LSG1: variants seen among roughly 807,000 people sequenced by gnomAD.
LSG1 encodes the protein large subunit GTPase 1 homolog.
A neutral mutation model predicts 82.6 loss-of-function variants in LSG1; 55 were observed. That is an observed-to-expected ratio of 0.67 (90% confidence interval 0.54 to 0.83). The LOEUF is 0.83. Among genes scored for constraint, LSG1 ranks in the 40% least tolerant of loss-of-function variants. The probability of loss-of-function intolerance (pLI) is 0.00; values close to 1 mark genes in which losing one functional copy is unlikely to be tolerated. For synonymous variants in LSG1, 272 were observed against 282.5 expected (o/e 0.96, Z 0.37); for missense variants, 809 against 807.9 (o/e 1.00, Z -0.02).
rs1718388143 is a variant in LSG1, at chr3:194,641,720, T to C, written c.*348A>G. On this transcript the variant is annotated 3_prime_UTR_variant, in exon 14 of 14. Transcript: ENST00000265245. ...ACTCTGCCTCCCTGGTTCAAGTGAT[T>C]CTCCTGCCTCAGCCTCCCGAGTAGC... 6.0e-6 allele frequency: 1 copy of C among 166,224 alleles called. No individual in the cohort carries two copies. The allele number at this position is 166,224 out of a possible 1,614,324, so 10.3% of individuals were successfully genotyped here.
intron 13 of LSG1, among the ~76,000 whole-genome samples, chr3:194,643,875 C>T (rs912660125): frequency 5.9e-5 from 9 of 152,130 alleles, no homozygotes; most frequent in Non-Finnish European, 1.2e-4. Flanking sequence ...ATAAAAAGGA[C>T]TGAAATACTG....
At chr3:194,671,666 A>T (rs976912523) in intron 1 of LSG1, among the ~76,000 whole-genome samples, 13 of 152,256 alleles carry the variant, frequency 8.5e-5, no homozygotes, top group African/African-American at 2.2e-4. Flanking sequence ...GAATTATTTT[A>T]TATTTCTGGC....
intron 2 of LSG1, among the ~76,000 whole-genome samples, chr3:194,667,959 A>G (rs1322301892): frequency 7.3e-6 from 1 of 137,760 alleles, no homozygotes; most frequent in Admixed American, 7.3e-5. Context: ...ATATATATAT[A>G]TATATATATA....
At chr3:194,653,539 G>A (rs1410311374) in intron 7 of LSG1, among the ~76,000 whole-genome samples, 1 of 151,858 alleles carries the variant, frequency 6.6e-6, no homozygotes, top group Non-Finnish European at 1.5e-5. Flanking sequence ...AGATGAACAG[G>A]GGACAAGCAA....
At chr3:194,653,367 T>C (rs1182587524) in intron 7 of LSG1, among the ~76,000 whole-genome samples, 7 of 151,872 alleles carry the variant, frequency 4.6e-5, no homozygotes, top group Non-Finnish European at 8.8e-5. Flanking sequence ...ATACAAAAAT[T>C]AGCCAGGCGT....
Position 194,642,018 on chromosome 3 carries a change from G to C in LSG1, c.*50C>G. 1 of 1,583,932 alleles carries C rather than the reference G, an allele frequency of 6.3e-7. No individual in the cohort carries two copies. Among genetic ancestry groups the C allele is most frequent in the South Asian group, 1.1e-5 (1 of 87,364 alleles). On this transcript the variant is annotated 3_prime_UTR_variant, in exon 14 of 14. Transcript: ENST00000265245. Reference sequence around the variant, plus strand: ...GTTCCACAGGCAACAGGCAGCTTCTGCTCTTTTCCATCTGCACAATGCAGA... The same window carrying C: ...GTTCCACAGGCAACAGGCAGCTTCTCCTCTTTTCCATCTGCACAATGCAGA...
At chr3:194,651,303 G>A (rs1560222384) in intron 8 of LSG1, 87 bp from the exon 9 acceptor site, 5 of 870,618 alleles carry the variant, frequency 5.7e-6, no homozygotes, top group Non-Finnish European at 9.5e-6. Context: ...GGCAAGACTA[G>A]CATAAGCATC....
At chr3:194,666,086 G>T in intron 4 of LSG1, 117 bp downstream of exon 4, 1 of 867,110 alleles carries the variant, frequency 1.2e-6, no homozygotes. Flanking sequence ...TTAGCAGAAT[G>T]CTACCATTTC....
chr3:194,650,784 ATTC>A (rs1450338516), intron 10 of LSG1, 94 bp downstream of exon 10: 2 of 1,286,776 alleles, frequency 1.6e-6, no homozygotes, highest in Admixed American at 2.3e-5. Context: ...AGTATTTTCA[ATTC>A]TTCATCAAAT....
chr3:194,642,274 G>C, intron 13 of LSG1, 27 bp from the exon 14 acceptor site: 1 of 1,601,118 alleles, frequency 6.2e-7, no homozygotes, highest in Non-Finnish European at 8.5e-7. Flanking sequence ...AACATTATCT[G>C]AGCTGTCAGC....
intron 8 of LSG1, 144 bp downstream of exon 8, chr3:194,652,585 A>C: frequency 4.7e-6 from 4 of 845,970 alleles, no homozygotes; most frequent in Non-Finnish European, 7.4e-6. Flanking sequence ...CCACTGCCTA[A>C]TCCCGTGATG....
Position 194,663,315 on chromosome 3 carries a change from T to A in LSG1, c.521+2242A>T, listed in dbSNP as rs577655630. Among the ~76,000 whole-genome samples, 3 of 152,210 alleles carry A rather than the reference T, an allele frequency of 2.0e-5. No homozygotes were observed. In the South Asian group the frequency reaches 6.2e-4, roughly 32 times the overall value. ...GGGCCTTCCGAAGCCCTCCTCAAGCTTGAGTAAAAGGAGCCTGCATGGACC... is the reference window on the plus strand; with the variant it reads ...GGGCCTTCCGAAGCCCTCCTCAAGCATGAGTAAAAGGAGCCTGCATGGACC... On this transcript the variant is annotated intron_variant, in intron 5 of 13. Transcript: ENST00000265245.
At chr3:194,660,221 G>C in intron 5 of LSG1, 88 bp from the exon 6 acceptor site, 1 of 995,442 alleles carries the variant, frequency 1.0e-6, no homozygotes. Context: ...AGCAAACCCT[G>C]GCAATATATT....
In LSG1 at chr3:194,641,428, G is replaced by A. The variant is rs13322267; in HGVS notation, c.*640C>T. 1 of 152,110 alleles carries A rather than the reference G, an allele frequency of 6.6e-6. No homozygotes were observed. Among genetic ancestry groups the A allele is most frequent in the East Asian group, 1.9e-4 (1 of 5,192 alleles). The allele number at this position is 152,110 out of a possible 1,614,324, so 9.4% of individuals were successfully genotyped here. A position where few individuals can be genotyped will look rare whatever the true frequency, so the allele number is the denominator to read the frequency against. On this transcript the variant is annotated 3_prime_UTR_variant, in exon 14 of 14. Transcript: ENST00000265245. Reference sequence around the variant, plus strand: ...AACCAGTGAAGATGGGGGCTAGGTAGTAAATACCGCAGCTTCCCTGTCACC... The same window carrying A: ...AACCAGTGAAGATGGGGGCTAGGTAATAAATACCGCAGCTTCCCTGTCACC...
chr3:194,644,379 AATAAAAATAAATAAAT>A (rs1383949101), intron 13 of LSG1, among the ~76,000 whole-genome samples, 178 bp downstream of exon 13: 1 of 79,076 alleles, frequency 1.3e-5, no homozygotes, highest in Non-Finnish European at 2.7e-5. Context: ...AAAAAAAAAA[AATAAAAATAAATAAAT>A]AAATAAATAA....
At chr3:194,656,189 G>C (rs1429521962) in intron 7 of LSG1, among the ~76,000 whole-genome samples, 1 of 151,658 alleles carries the variant, frequency 6.6e-6, no homozygotes, top group East Asian at 1.9e-4. Flanking sequence ...CACAGCAAAA[G>C]AAACCACCAT....
Position 194,644,686 on chromosome 3 carries a change from G to A in LSG1, c.1684C>T (p.His562Tyr), listed in dbSNP as rs1718483578. ...GRDPVTFQHQ[H>Y]QRLLENKMNS... is the part of the protein sequence containing the mutation. ...ATTTTGTTCTCTAGGAGTCGCTGGT[G>A]TTGATGCTGAAAAGTTACAGGATCT... The change falls in exon 13 of 14, where the codon CAC becomes TAC. Residue 562 changes from histidine (H) to tyrosine (Y), a missense_variant. His to Tyr is a moderately conservative substitution (Grantham distance 83). Transcript: ENST00000265245. 1.9e-6 allele frequency: 3 copies of A among 1,610,362 alleles called. No homozygotes were observed. Among genetic ancestry groups the A allele is most frequent in the African/African-American group, 1.3e-5 (1 of 74,972 alleles).
intron 2 of LSG1, among the ~76,000 whole-genome samples, chr3:194,666,837 C>G (rs186064416): frequency 2.0e-5 from 3 of 152,136 alleles, no homozygotes; most frequent in Admixed American, 1.3e-4. Context: ...ATTGAACATT[C>G]AGTTTCCAAG....
rs542528321 is a variant in LSG1 at position 194,641,455 on chromosome 3, G to C, written c.*613C>G. ...AAATACCGCAGCTTCCCTGTCACCC[G>C]GTGGTTACATTCTACATGTTCCTTA... is the stretch of plus-strand genomic sequence containing the variant. On this transcript the variant is annotated 3_prime_UTR_variant, in exon 14 of 14. Transcript: ENST00000265245. The C allele has an allele frequency of 1.3e-5, 2 of 152,164 alleles. No homozygotes were observed. The highest frequency in any genetic ancestry group is 2.9e-5 in the Non-Finnish European group (2 of 68,036). 9.4% of individuals were successfully genotyped at this position (152,164 alleles called of 1,614,324 possible). A position where few individuals can be genotyped will look rare whatever the true frequency, so the allele number is the denominator to read the frequency against.
Sources: gnomAD v4.1 joint callset for allele counts (sites outside exome capture counted in the v4.1 genomes callset) on GRCh38, gnomAD v4.1.1 for gene constraint, MANE v1.5 for transcripts, NCBI Gene and HGNC (gene_info 2026-07-23, HGNC 2026-07-21) for gene names.